Variants in ANO2 observed in about 807,000 individuals in gnomAD.
The protein encoded by ANO2 is anoctamin-2.
Under a neutral mutation model 124.2 loss-of-function variants are expected in ANO2, and 101 were observed. The observed-to-expected ratio is 0.81, with a 90% CI of 0.69 to 0.96. The LOEUF is 0.96. Ranked by LOEUF, ANO2 falls within the 40% of genes least tolerant of loss-of-function variation. ANO2 has a pLI of 0.00. For synonymous variants in ANO2, 486 were observed against 482.5 expected, an observed-to-expected ratio of 1.01 and a Z score of -0.09; for missense variants, 1,293 against 1,274.5, an observed-to-expected ratio of 1.01 and a Z score of -0.22.
In ANO2 at chr12:5,925,970, C is replaced by G. The variant is rs11063917; in HGVS notation, c.23-3166G>C. ...ACTCTAACTCTTGCTCTCCTGCAGGCACCAGGTCCACACATTCCCCTGCCT... is the reference window on the plus strand; with the variant it reads ...ACTCTAACTCTTGCTCTCCTGCAGGGACCAGGTCCACACATTCCCCTGCCT... On this transcript the variant is annotated intron_variant, in intron 1 of 24. Transcript: ENST00000682330. This position sits in a 1 kb window ranked among gnomAD's most constrained non-coding sequence, Gnocchi z 4.6. Among the ~76,000 whole-genome samples, 978 of 152,332 alleles carry G rather than the reference C, an allele frequency of 6.4e-3. 66 individuals carry two copies. In the East Asian group the frequency reaches 0.15, roughly 24 times the overall value.
At chr12:5,834,006 T>C (rs1211129460) in intron 4 of ANO2, among the ~76,000 whole-genome samples, 1 of 151,936 alleles carries the variant, frequency 6.6e-6, no homozygotes, top group Admixed American at 6.6e-5. Context: ...GGAAAGGCAC[T>C]CAGCTGAGCC....
rs943407102 is a variant in ANO2, at chr12:5,769,872, G to C, written c.1056-18902C>G. Among the ~76,000 whole-genome samples the C allele has an allele frequency of 6.6e-6, 1 of 152,114 alleles. No individual in the cohort carries two copies. The highest frequency in any genetic ancestry group is 1.5e-5 in the Non-Finnish European group (1 of 68,026). ...GGGTATTATACACAGCCCCACCTAA[G>C]GGCAGAAAGCGTGGAGAGCAGTGTG... On this transcript the variant is annotated intron_variant, in intron 10 of 24. Coordinates refer to ENST00000682330, the MANE Select transcript of ANO2 (RefSeq NM_001364791.2). This position sits in a 1 kb window ranked among gnomAD's most constrained non-coding sequence, Gnocchi z 4.0.
intron 10 of ANO2, among the ~76,000 whole-genome samples, chr12:5,795,097 G>A (rs1952808800): frequency 6.6e-6 from 1 of 152,190 alleles, no homozygotes; most frequent in South Asian, 2.1e-4. Flanking sequence ...ACAGTCTCTG[G>A]TGGCAGTGCT....
chr12:5,590,070 G>A (rs959684192), intron 20 of ANO2, among the ~76,000 whole-genome samples: 16 of 152,228 alleles, frequency 1.1e-4, no homozygotes, highest in Admixed American at 1.0e-3. Context: ...AAGCACCAGG[G>A]AGGAGGCAGG....
At chr12:5,628,014 C>T (rs956529437) in intron 16 of ANO2, among the ~76,000 whole-genome samples, 2 of 152,118 alleles carry the variant, frequency 1.3e-5, no homozygotes, top group African/African-American at 4.8e-5. Flanking sequence ...GTGGGAGGAT[C>T]CCTTGAGCTC....
chr12:5,826,321 A>G (rs189433206), intron 7 of ANO2, among the ~76,000 whole-genome samples: 2 of 152,192 alleles, frequency 1.3e-5, no homozygotes, highest in African/African-American at 4.8e-5. Flanking sequence ...GATGGTTAAT[A>G]CTGAGTGTCG....
chr12:5,646,843 C>T (rs1049271762), intron 15 of ANO2, among the ~76,000 whole-genome samples: 6 of 152,140 alleles, frequency 3.9e-5, no homozygotes, highest in Admixed American at 1.3e-4. Flanking sequence ...ATTTCTGAGA[C>T]GAAAACACAA....
rs562100772 is a variant in ANO2 at position 5,658,826 on chromosome 12, C to A, written c.1546-11025G>T. ...ATCATCATCAACATCATCATTAAAT[C>A]ATCAGCAGCATCAATATTATCCTTG... On this transcript the variant is annotated intron_variant, in intron 14 of 24. Coordinates refer to ENST00000682330, the MANE Select transcript of ANO2 (RefSeq NM_001364791.2). The surrounding 1 kb of genome is among the most constrained non-coding windows in gnomAD (Gnocchi z 4.3). Among the ~76,000 whole-genome samples the A allele has an allele frequency of 6.6e-6, 1 of 152,134 alleles. No individual in the cohort carries two copies. Among genetic ancestry groups the A allele is most frequent in the South Asian group, 2.1e-4 (1 of 4,800 alleles).
chr12:5,603,903 C>T (rs1476438818), intron 19 of ANO2, among the ~76,000 whole-genome samples: 4 of 135,462 alleles, frequency 3.0e-5, no homozygotes, highest in African/African-American at 1.1e-4. Context: ...TGAGATAGCG[C>T]CACTGCAGTC....
intron 1 of ANO2, among the ~76,000 whole-genome samples, chr12:5,934,163 A>T (rs1283184847): frequency 6.6e-6 from 1 of 152,218 alleles, no homozygotes; most frequent in Non-Finnish European, 1.5e-5. Flanking sequence ...TCTTCACGAT[A>T]ACCCTGAGGT....
chr12:5,701,743 C>T (rs1377094130), intron 14 of ANO2, among the ~76,000 whole-genome samples: 3 of 152,160 alleles, frequency 2.0e-5, no homozygotes, highest in Non-Finnish European at 4.4e-5. Flanking sequence ...GTCACATGTA[C>T]CTAAACTCCA....
intron 19 of ANO2, chr12:5,609,242 C>A (rs1003934796): frequency 2.0e-5 from 3 of 152,176 alleles, no homozygotes; most frequent in African/African-American, 7.2e-5. Context: ...GGCACAGCTT[C>A]AAAGGCTGAA....
At chr12:5,692,999 T>C (rs1055502284) in intron 14 of ANO2, among the ~76,000 whole-genome samples, 4 of 152,158 alleles carry the variant, frequency 2.6e-5, no homozygotes, top group African/African-American at 9.7e-5. Context: ...TTTTGTTGGT[T>C]TTCTTCTTAT....
intron 9 of ANO2, among the ~76,000 whole-genome samples, 163 bp from the exon 10 acceptor site, chr12:5,799,734 C>T (rs1952984731): frequency 6.6e-6 from 1 of 152,210 alleles, no homozygotes; most frequent in African/African-American, 2.4e-5. Flanking sequence ...GCTATGGAAA[C>T]TGGCTTCTCC....
chr12:5,668,129 A>G (rs1488439391), intron 14 of ANO2, among the ~76,000 whole-genome samples: 1 of 152,210 alleles, frequency 6.6e-6, no homozygotes, highest in African/African-American at 2.4e-5. Context: ...GAATTTCCAC[A>G]CTATCTTCCA....
chr12:5,880,303 G>A (rs1040570800), intron 3 of ANO2, among the ~76,000 whole-genome samples: 1 of 152,148 alleles, frequency 6.6e-6, no homozygotes, highest in Non-Finnish European at 1.5e-5. Flanking sequence ...CCTGGGGAAC[G>A]CAGGATAAGT....
chr12:5,806,910 G>A (rs1011228393), intron 8 of ANO2, among the ~76,000 whole-genome samples: 5 of 152,132 alleles, frequency 3.3e-5, no homozygotes, highest in African/African-American at 1.2e-4. Flanking sequence ...CTAAGGAGAC[G>A]TCTGACAGTC....
rs144358204 is a variant in ANO2 at position 5,613,333 on chromosome 12, G to C, written c.1929-375C>G. 6.6e-3 allele frequency among the ~76,000 whole-genome samples: 1,002 copies of C among 152,298 alleles called. 3 individuals carry two copies. The highest frequency in any genetic ancestry group is 0.011 in the Non-Finnish European group (724 of 68,022). ...TGGTGTCAAGAACACAGCTCTGGTTGCAACTCCTTAGTAAGAGTTTCTGAT... is the reference window on the plus strand; with the variant it reads ...TGGTGTCAAGAACACAGCTCTGGTTCCAACTCCTTAGTAAGAGTTTCTGAT... On this transcript the variant is annotated intron_variant, in intron 17 of 24. Transcript: ENST00000682330.
At chr12:5,599,687 A>G (rs1943836953) in intron 19 of ANO2, 58 bp from the exon 20 acceptor site, 1 of 1,569,816 alleles carries the variant, frequency 6.4e-7, no homozygotes, top group Admixed American at 2.0e-5. Context: ...TTGGTTTTGC[A>G]GACAGAAAAA....
Sources: allele counts gnomAD v4.1 joint callset (sites outside exome capture counted in the v4.1 genomes callset), GRCh38; gene constraint gnomAD v4.1.1; non-coding constraint Gnocchi (gnomAD v3.1); transcripts MANE v1.5; gene names NCBI Gene and HGNC (gene_info 2026-07-23, HGNC 2026-07-21).